The following CREB5 variants were observed in gnomAD, a reference collection of about 807,000 sequenced individuals.
CREB5 encodes the protein cAMP responsive element binding protein 5.
CREB5 carries 19 observed loss-of-function variants against 57.1 expected under a neutral mutation model. The observed-to-expected ratio is 0.33, with a 90% CI of 0.23 to 0.49. The LOEUF (loss-of-function observed/expected upper bound fraction) is 0.49. Among genes scored for constraint, CREB5 ranks in the 20% least tolerant of loss-of-function variants. CREB5 has a pLI of 0.99. For missense variants in CREB5, 579 were observed against 671.6 expected, an observed-to-expected ratio of 0.86 and a Z score of 1.52; for synonymous variants, 238 against 238.3, an observed-to-expected ratio of 1.00 and a Z score of 0.01.
chr7:28,566,982 A>T (rs1166842929), intron 4 of CREB5, among the ~76,000 whole-genome samples: 2 of 152,062 alleles, frequency 1.3e-5, no homozygotes, highest in Non-Finnish European at 2.9e-5. Flanking sequence ...CTTTTGGGGG[A>T]GAGGGGATTA....
intron 7 of CREB5, among the ~76,000 whole-genome samples, chr7:28,732,476 T>TGGACGTGTGA (rs1269698986): frequency 1.3e-5 from 2 of 152,258 alleles, no homozygotes; most frequent in East Asian, 3.9e-4. Context: ...TGTGTATTTG[T>TGGACGTGTGA]GGACGTGTGA....
At chr7:28,579,091 C>T (rs1488056565) in intron 5 of CREB5, among the ~76,000 whole-genome samples, 1 of 152,202 alleles carries the variant, frequency 6.6e-6, no homozygotes, top group Non-Finnish European at 1.5e-5. Context: ...AGACTTTGAA[C>T]AGGCTTCTTT....
At chr7:28,419,338 G>A (rs941550173) in intron 1 of CREB5, among the ~76,000 whole-genome samples, 1 of 152,202 alleles carries the variant, frequency 6.6e-6, no homozygotes, top group Non-Finnish European at 1.5e-5. Context: ...CCAATGTACT[G>A]TCTTCACACT....
chr7:28,562,908 A>G (rs1795335577), intron 4 of CREB5, among the ~76,000 whole-genome samples: 2 of 152,204 alleles, frequency 1.3e-5, no homozygotes. Context: ...ACTTTCTACA[A>G]AAAATATTTG....
intron 7 of CREB5, among the ~76,000 whole-genome samples, chr7:28,736,397 G>A (rs936405685): frequency 5.9e-5 from 9 of 151,952 alleles, no homozygotes; most frequent in African/African-American, 1.9e-4. Context: ...TCGAACTCCC[G>A]ACCTCAGGTG....
chr7:28,675,581 A>G (rs1222900787), intron 5 of CREB5, among the ~76,000 whole-genome samples: 4 of 152,200 alleles, frequency 2.6e-5, no homozygotes, highest in Non-Finnish European at 5.9e-5. Flanking sequence ...AAGGATCTCA[A>G]TTGTGCTGAG....
At chr7:28,802,857 GA>G (rs1300313946) in intron 7 of CREB5, among the ~76,000 whole-genome samples, 3 of 152,154 alleles carry the variant, frequency 2.0e-5, no homozygotes, top group African/African-American at 7.2e-5. Context: ...AGTGACTGGG[GA>G]AAAAAATCAA....
At chr7:28,669,049 G>T (rs1056309533) in intron 5 of CREB5, among the ~76,000 whole-genome samples, 5 of 152,168 alleles carry the variant, frequency 3.3e-5, no homozygotes, top group African/African-American at 4.8e-5. Context: ...AACACATCTG[G>T]CTTGAGGTAC....
At chr7:28,462,672 G>A (rs182380057) in intron 1 of CREB5, among the ~76,000 whole-genome samples, 1 of 152,068 alleles carries the variant, frequency 6.6e-6, no homozygotes, top group Non-Finnish European at 1.5e-5. Context: ...TACTGATGTT[G>A]ACGATATTTT....
At chr7:28,534,569 T>G (rs1444743375) in intron 4 of CREB5, among the ~76,000 whole-genome samples, 2 of 152,238 alleles carry the variant, frequency 1.3e-5, no homozygotes, top group Admixed American at 1.3e-4. Flanking sequence ...GGGCACTTCT[T>G]CTGCAGCCAC....
intron 3 of CREB5, among the ~76,000 whole-genome samples, chr7:28,495,222 G>T (rs1425792207): frequency 6.6e-6 from 1 of 152,066 alleles, no homozygotes; most frequent in Non-Finnish European, 1.5e-5. Context: ...ATGCAACTTG[G>T]CTCTATATAA....
At chr7:28,376,236 T>C (rs1025299976) in intron 1 of CREB5, among the ~76,000 whole-genome samples, 1 of 151,902 alleles carries the variant, frequency 6.6e-6, no homozygotes, top group Non-Finnish European at 1.5e-5. Context: ...CTTTCCTTTT[T>C]GAATAGCACT....
intron 5 of CREB5, among the ~76,000 whole-genome samples, chr7:28,660,879 C>T (rs59135847): frequency 0.051 from 7,707 of 152,236 alleles, 692 homozygotes; most frequent in African/African-American, 0.18. Context: ...AGCTTACATT[C>T]CCCCTCCTTG....
chr7:28,514,773 A>G (rs1295212456), intron 4 of CREB5, among the ~76,000 whole-genome samples: 1 of 152,216 alleles, frequency 6.6e-6, no homozygotes, highest in Non-Finnish European at 1.5e-5. Context: ...TGTCTTCTTG[A>G]GAACTGGCCC....
At chr7:28,573,390 C>G (rs998581598) in intron 5 of CREB5, among the ~76,000 whole-genome samples, 1 of 152,220 alleles carries the variant, frequency 6.6e-6, no homozygotes, top group African/African-American at 2.4e-5. Flanking sequence ...GCCATGGCTA[C>G]TGGCCAAGAA....
chr7:28,528,594 C>T (rs1020139736), intron 4 of CREB5, among the ~76,000 whole-genome samples: 1 of 150,910 alleles, frequency 6.6e-6, no homozygotes, highest in Non-Finnish European at 1.5e-5. Context: ...ATCCCAGCTA[C>T]TCGGGAGGCT....
chr7:28,556,621 A>G (rs926494942), intron 4 of CREB5, among the ~76,000 whole-genome samples: 7 of 152,176 alleles, frequency 4.6e-5, no homozygotes, highest in African/African-American at 1.7e-4. Context: ...TACTGGTGAT[A>G]AAATAAAAAT....
intron 7 of CREB5, among the ~76,000 whole-genome samples, chr7:28,798,291 G>A (rs1328070274): frequency 7.4e-6 from 1 of 135,312 alleles, no homozygotes; most frequent in African/African-American, 2.8e-5. Flanking sequence ...TGAAGATGGA[G>A]AAGCGATGTT....
intron 1 of CREB5, among the ~76,000 whole-genome samples, chr7:28,306,828 T>C (rs1473230674): frequency 2.0e-5 from 3 of 152,162 alleles, no homozygotes; most frequent in African/African-American, 7.2e-5. Flanking sequence ...CCCAAAGTGC[T>C]GGGATTACAG....
Sources: allele counts gnomAD v4.1 joint callset (sites outside exome capture counted in the v4.1 genomes callset), GRCh38; gene constraint gnomAD v4.1.1; transcripts MANE v1.5; gene names NCBI Gene and HGNC (gene_info 2026-07-23, HGNC 2026-07-21).